The following EFNA5 variants were observed in gnomAD, a reference collection of about 807,000 sequenced individuals.
EFNA5 encodes the protein ephrin-A5.
EFNA5 carries 5 observed loss-of-function variants against 22.9 expected under a neutral mutation model. That is an observed-to-expected ratio of 0.22 (90% CI 0.11 to 0.46). The LOEUF (loss-of-function observed/expected upper bound fraction) is 0.46. EFNA5 is among the 20% of genes least tolerant of loss of function. The probability of loss-of-function intolerance (pLI) is 0.99; values close to 1 mark genes in which losing one functional copy is unlikely to be tolerated. For synonymous variants in EFNA5, 113 were observed against 112.2 expected (o/e 1.01, Z -0.04); for missense variants, 237 against 293.3 (o/e 0.81, Z 1.40).
intron 1 of EFNA5, among the ~76,000 whole-genome samples, chr5:107,658,943 AC>A (rs2112558657): frequency 6.6e-6 from 1 of 152,314 alleles, no homozygotes; most frequent in African/African-American, 2.4e-5. Flanking sequence ...TGAGAACAGT[AC>A]CTGGCCCACA....
chr5:107,639,017 A>G (rs977927194), intron 1 of EFNA5, among the ~76,000 whole-genome samples: 12 of 152,238 alleles, frequency 7.9e-5, no homozygotes, highest in Non-Finnish European at 1.5e-4. Flanking sequence ...GGTGTGTTGC[A>G]GAATACTGTA....
In EFNA5 at chr5:107,410,188, C is replaced by T. The variant is rs569466638; in HGVS notation, c.418+17029G>A. ...GACTACAGGCACCCGCCACCACACC[C>T]GGCTAATTTCTTTTTGTATTTTTAG... On this transcript the variant is annotated intron_variant, in intron 2 of 4. Transcript: ENST00000333274. Among the ~76,000 whole-genome samples, 351 of 152,136 alleles carry T rather than the reference C, an allele frequency of 2.3e-3. 2 individuals carry two copies. The highest frequency in any genetic ancestry group is 8.1e-3 in the African/African-American group (337 of 41,506).
intron 2 of EFNA5, among the ~76,000 whole-genome samples, chr5:107,418,791 G>C (rs546230590): frequency 1.3e-5 from 2 of 152,264 alleles, no homozygotes; most frequent in African/African-American, 4.8e-5. Context: ...AAACTTTCAA[G>C]ATGGTCCCAA....
At chr5:107,440,175 G>C (rs920376509) in intron 1 of EFNA5, among the ~76,000 whole-genome samples, 1 of 152,064 alleles carries the variant, frequency 6.6e-6, no homozygotes, top group Non-Finnish European at 1.5e-5. Context: ...TAAAAAATGA[G>C]AAACTAATTG....
At chr5:107,403,329 T>G (rs962820001) in intron 2 of EFNA5, among the ~76,000 whole-genome samples, 1 of 152,210 alleles carries the variant, frequency 6.6e-6, no homozygotes, top group Non-Finnish European at 1.5e-5. Flanking sequence ...TGTCTGCCAA[T>G]GATTACAGTT....
intron 1 of EFNA5, among the ~76,000 whole-genome samples, chr5:107,540,292 T>C (rs1237175339): frequency 6.6e-6 from 1 of 152,176 alleles, no homozygotes; most frequent in Non-Finnish European, 1.5e-5. Context: ...TAATGTATAA[T>C]CTAAAACCAG....
chr5:107,496,746 A>G (rs1394631909), intron 1 of EFNA5, among the ~76,000 whole-genome samples: 1 of 152,198 alleles, frequency 6.6e-6, no homozygotes, highest in Non-Finnish European at 1.5e-5. Context: ...ATTCCTGGGG[A>G]GGAACATCCT....
intron 1 of EFNA5, among the ~76,000 whole-genome samples, chr5:107,637,965 G>C (rs1750418119): frequency 6.6e-6 from 1 of 151,200 alleles, no homozygotes; most frequent in Non-Finnish European, 1.5e-5. Flanking sequence ...TCCTGCCTCA[G>C]CCTCCCAAGT....
chr5:107,538,053 A>G (rs1040095047), intron 1 of EFNA5, among the ~76,000 whole-genome samples: 14 of 152,208 alleles, frequency 9.2e-5, no homozygotes, highest in African/African-American at 3.4e-4. Context: ...GAGTCTTAAA[A>G]GATTGATAAA....
At chr5:107,519,479 C>T (rs999481054) in intron 1 of EFNA5, among the ~76,000 whole-genome samples, 1 of 152,144 alleles carries the variant, frequency 6.6e-6, no homozygotes, top group Non-Finnish European at 1.5e-5. Context: ...TCACTTAATC[C>T]ATTTCATCCT....
chr5:107,626,060 C>T (rs1198440891), intron 1 of EFNA5, among the ~76,000 whole-genome samples: 1 of 152,138 alleles, frequency 6.6e-6, no homozygotes, highest in Admixed American at 6.5e-5. Context: ...TGATCACTCA[C>T]TGAAGTAAGA....
intron 1 of EFNA5, among the ~76,000 whole-genome samples, chr5:107,643,748 T>C (rs1268239183): frequency 6.6e-6 from 1 of 152,036 alleles, no homozygotes; most frequent in East Asian, 1.9e-4. Context: ...GGGCAAGTTA[T>C]CCAAAGAGAG....
intron 2 of EFNA5, among the ~76,000 whole-genome samples, chr5:107,415,134 A>G (rs892297011): frequency 2.7e-4 from 41 of 152,200 alleles, no homozygotes; most frequent in African/African-American, 9.4e-4. Flanking sequence ...AATCGGAACA[A>G]TAACAGTGCC....
At chr5:107,418,084 T>C (rs930240684) in intron 2 of EFNA5, among the ~76,000 whole-genome samples, 3 of 152,196 alleles carry the variant, frequency 2.0e-5, no homozygotes, top group African/African-American at 7.2e-5. Context: ...TGACTATGCA[T>C]TTGGTGTGTG....
intron 2 of EFNA5, among the ~76,000 whole-genome samples, chr5:107,390,891 G>A (rs1747777868): frequency 6.6e-6 from 1 of 152,132 alleles, no homozygotes; most frequent in African/African-American, 2.4e-5. Flanking sequence ...GGGTGCAGTG[G>A]CTCATGCCTG....
At chr5:107,387,876 G>T in intron 2 of EFNA5, 105 bp from the exon 3 acceptor site, 1 of 768,754 alleles carries the variant, frequency 1.3e-6, no homozygotes, top group South Asian at 2.0e-5. Flanking sequence ...TTCCTGACTT[G>T]AACAACAGGA....
At chr5:107,500,250 A>C (rs1051676062) in intron 1 of EFNA5, among the ~76,000 whole-genome samples, 2 of 152,200 alleles carry the variant, frequency 1.3e-5, no homozygotes, top group Non-Finnish European at 2.9e-5. Context: ...AATAAGGAAA[A>C]ACTGCCACAA....
At chr5:107,382,331 C>T (rs1027718394) in intron 4 of EFNA5, among the ~76,000 whole-genome samples, 3 of 152,176 alleles carry the variant, frequency 2.0e-5, no homozygotes, top group African/African-American at 7.2e-5. Context: ...TTCTTTCCAC[C>T]TGACCTAACT....
chr5:107,510,988 T>C (rs1747354990), intron 1 of EFNA5, among the ~76,000 whole-genome samples: 1 of 146,172 alleles, frequency 6.8e-6, no homozygotes, highest in Non-Finnish European at 1.5e-5. Context: ...ATAGTTGCAT[T>C]TCTTTCTTTT....
Sources: gnomAD v4.1 joint callset for allele counts (sites outside exome capture counted in the v4.1 genomes callset) on GRCh38, gnomAD v4.1.1 for gene constraint, MANE v1.5 for transcripts, NCBI Gene and HGNC (gene_info 2026-07-23, HGNC 2026-07-21) for gene names.